KCNK2: variants seen among roughly 807,000 people sequenced by gnomAD.
KCNK2 encodes potassium channel subfamily K member 2.
In KCNK2, 21 loss-of-function variants were observed where a neutral mutation model predicts 40.5. That is an observed-to-expected ratio of 0.52 (90% CI 0.37 to 0.75). The LOEUF is 0.75. Ranked by LOEUF, KCNK2 falls within the 30% of genes least tolerant of loss-of-function variation. The pLI is 0.00. For missense variants in KCNK2, 399 were observed against 531.6 expected (o/e 0.75, Z 2.45); for synonymous variants, 191 against 202.2 (o/e 0.94, Z 0.47).
intron 2 of KCNK2, among the ~76,000 whole-genome samples, chr1:215,110,948 T>G (rs181000111): frequency 6.6e-6 from 1 of 152,300 alleles, no homozygotes; most frequent in Non-Finnish European, 1.5e-5. Context: ...TGTCCATTAT[T>G]ACAATAGCCT....
chr1:215,026,694 C>T (rs995402576), intron 1 of KCNK2, among the ~76,000 whole-genome samples: 2 of 151,818 alleles, frequency 1.3e-5, no homozygotes, highest in Admixed American at 1.3e-4. Flanking sequence ...TAAATATTCC[C>T]TTATTTTAAT....
At chr1:215,140,811 A>G (rs1662139488) in intron 3 of KCNK2, among the ~76,000 whole-genome samples, 1 of 152,098 alleles carries the variant, frequency 6.6e-6, no homozygotes, top group Non-Finnish European at 1.5e-5. Flanking sequence ...AATTTATGAA[A>G]AATATTTTTC....
intron 1 of KCNK2, among the ~76,000 whole-genome samples, chr1:215,037,446 G>C (rs1657427599): frequency 6.6e-6 from 1 of 151,842 alleles, no homozygotes; most frequent in Admixed American, 6.6e-5. Context: ...TTTTGTTCAG[G>C]ATTTATAGGT....
intron 1 of KCNK2, among the ~76,000 whole-genome samples, chr1:215,028,125 G>A (rs995067015): frequency 4.6e-5 from 7 of 151,928 alleles, no homozygotes; most frequent in African/African-American, 1.2e-4. Context: ...CGTGGCTCCC[G>A]CCTGTAATCC....
intron 3 of KCNK2, among the ~76,000 whole-genome samples, chr1:215,160,706 C>G (rs1320084336): frequency 6.6e-6 from 1 of 152,094 alleles, no homozygotes; most frequent in Non-Finnish European, 1.5e-5. Context: ...TTTGAGGGCC[C>G]TCTTTGCCAT....
chr1:215,020,113 C>T (rs1050957328), intron 1 of KCNK2, among the ~76,000 whole-genome samples: 1 of 152,110 alleles, frequency 6.6e-6, no homozygotes, highest in African/African-American at 2.4e-5. Context: ...TTCTGCCAAA[C>T]CTTTGGTAAT....
intron 6 of KCNK2, among the ~76,000 whole-genome samples, chr1:215,214,488 T>G (rs2225973): frequency 6.6e-6 from 1 of 152,106 alleles, no homozygotes; most frequent in Non-Finnish European, 1.5e-5. Context: ...GCGTCATATT[T>G]TTGTGTTTAC....
chr1:215,134,726 A>G (rs1217278583), intron 3 of KCNK2, among the ~76,000 whole-genome samples: 1 of 152,040 alleles, frequency 6.6e-6, no homozygotes, highest in East Asian at 1.9e-4. Flanking sequence ...ACCTCATTAG[A>G]ACAAAAGATG....
rs150832319 is a variant in KCNK2, at chr1:215,202,727, G to C, written c.963+7635G>C. ...TTATTTCCCTTTTAATACTAAATGA[G>C]AGAATGATGTAAAATGCACAGCTGT... is the stretch of plus-strand genomic sequence containing the variant. On this transcript the variant is annotated intron_variant, in intron 6 of 6. Transcript: ENST00000444842. 1.9e-3 allele frequency among the ~76,000 whole-genome samples: 286 copies of C among 152,260 alleles called. 1 individual carries two copies. Among genetic ancestry groups the C allele is most frequent in the African/African-American group, 6.7e-3 (279 of 41,536 alleles).
At chr1:215,134,140 C>T (rs536815137) in intron 3 of KCNK2, among the ~76,000 whole-genome samples, 69 of 152,112 alleles carry the variant, frequency 4.5e-4, no homozygotes, top group African/African-American at 1.5e-3. Context: ...TGTGTTCTTA[C>T]GACTTGACAC....
intron 1 of KCNK2, among the ~76,000 whole-genome samples, chr1:215,034,099 T>C (rs1296249951): frequency 1.3e-5 from 2 of 152,194 alleles, no homozygotes; most frequent in African/African-American, 4.8e-5. Context: ...GGGAATTGGT[T>C]TGTTCCATGA....
chr1:215,168,173 AT>A (rs1348265486), intron 3 of KCNK2, among the ~76,000 whole-genome samples: 6 of 152,216 alleles, frequency 3.9e-5, no homozygotes, highest in African/African-American at 1.4e-4. Flanking sequence ...ATACCAACTC[AT>A]GCTAGTCAGA....
chr1:215,198,195 C>T (rs767601759), intron 6 of KCNK2, among the ~76,000 whole-genome samples: 1 of 152,144 alleles, frequency 6.6e-6, no homozygotes, highest in South Asian at 2.1e-4. Flanking sequence ...ACCTAATATT[C>T]TGGGTAGCAT....
intron 1 of KCNK2, among the ~76,000 whole-genome samples, chr1:215,067,089 G>A (rs946780617): frequency 2.4e-4 from 37 of 152,088 alleles, no homozygotes; most frequent in Non-Finnish European, 4.7e-4. Flanking sequence ...GGGCTGAACT[G>A]GGACTATGGC....
intron 1 of KCNK2, among the ~76,000 whole-genome samples, chr1:215,007,191 A>ATATATGTATATG (rs1558054269): frequency 3.4e-4 from 11 of 32,080 alleles, no homozygotes; most frequent in African/African-American, 1.6e-3. Flanking sequence ...GTGGGTATAT[A>ATATATGTATATG]TATATATATA....
At chr1:215,012,624 A>G (rs958653489) in intron 1 of KCNK2, among the ~76,000 whole-genome samples, 3 of 146,374 alleles carry the variant, frequency 2.0e-5, no homozygotes, top group African/African-American at 7.6e-5. Flanking sequence ...GGTGCACACC[A>G]CCACACCCAG....
At chr1:215,107,770 C>T (rs1410077232) in intron 2 of KCNK2, among the ~76,000 whole-genome samples, 2 of 151,872 alleles carry the variant, frequency 1.3e-5, no homozygotes, top group South Asian at 2.1e-4. Flanking sequence ...AGTCAGCCTT[C>T]GGTATCCGTG....
chr1:215,084,636 C>G (rs976687786), intron 1 of KCNK2, among the ~76,000 whole-genome samples: 2 of 152,104 alleles, frequency 1.3e-5, no homozygotes, highest in Non-Finnish European at 2.9e-5. Context: ...ATGCCCAGTG[C>G]TAATTTTGAG....
At chr1:215,058,277 T>G (rs1658238779) in intron 1 of KCNK2, among the ~76,000 whole-genome samples, 2 of 152,154 alleles carry the variant, frequency 1.3e-5, no homozygotes, top group East Asian at 3.9e-4. Flanking sequence ...CCTTTTTTCC[T>G]TTTAGGGGAT....
Sources: allele counts gnomAD v4.1 joint callset (sites outside exome capture counted in the v4.1 genomes callset), GRCh38; gene constraint gnomAD v4.1.1; transcripts MANE v1.5; gene names NCBI Gene and HGNC (gene_info 2026-07-23, HGNC 2026-07-21).